The following SENP2 variants were observed in gnomAD, a reference collection of about 807,000 sequenced individuals.
SENP2 encodes sentrin-specific protease 2.
A neutral mutation model predicts 86.3 loss-of-function variants in SENP2; 16 were observed. The ratio of observed to expected loss-of-function variants is 0.19; its 90% CI spans 0.13 to 0.28. The LOEUF is 0.28. Among genes scored for constraint, SENP2 ranks in the 10% least tolerant of loss-of-function variants. The pLI, the probability that SENP2 is intolerant of heterozygous loss-of-function variation, is 1.00. For missense variants in SENP2, 552 were observed against 703.0 expected (o/e 0.79, Z 2.43); for synonymous variants, 222 against 238.7 (o/e 0.93, Z 0.64).
chr3:185,606,696 G>A (rs1418054094), intron 6 of SENP2, 198 bp downstream of exon 6: 10 of 565,414 alleles, frequency 1.8e-5, no homozygotes, highest in Non-Finnish European at 2.5e-5. Flanking sequence ...GGCAGACTTT[G>A]AGGGGTTCAT....
chr3:185,602,832 T>TAAAA (rs1156317272), intron 5 of SENP2, among the ~76,000 whole-genome samples: 4 of 63,048 alleles, frequency 6.3e-5, no homozygotes, highest in African/African-American at 1.4e-4. Flanking sequence ...GACTCTGTCT[T>TAAAA]AAAAAAAAAA....
intron 12 of SENP2, among the ~76,000 whole-genome samples, chr3:185,618,923 G>A (rs1711735085): frequency 6.6e-6 from 1 of 152,130 alleles, no homozygotes; most frequent in African/African-American, 2.4e-5. Context: ...ATATTATTTT[G>A]GTGTATGTCC....
At chr3:185,610,230 A>C (rs1458829262) in intron 7 of SENP2, among the ~76,000 whole-genome samples, 1 of 139,254 alleles carries the variant, frequency 7.2e-6, no homozygotes, top group African/African-American at 2.7e-5. Context: ...ATGCAATCTC[A>C]GCTCACTGCA....
intron 6 of SENP2, chr3:185,609,035 A>G: frequency 2.5e-6 from 1 of 407,442 alleles, no homozygotes; most frequent in Non-Finnish European, 4.4e-6. Flanking sequence ...GCAGTGGCCC[A>G]TCTAAATGGG....
chr3:185,632,239 T>TG lies in SENP2; in HGVS notation c.*2395_*2396insG, dbSNP rs1176229275. The TG allele has an allele frequency of 2.7e-5, 3 of 110,184 alleles. No homozygotes were observed. Among genetic ancestry groups the TG allele is most frequent in the Non-Finnish European group, 3.9e-5 (2 of 51,728 alleles). The allele number at this position is 110,184 out of a possible 1,614,324, so 6.8% of individuals were successfully genotyped here. ...TTTTTTTTTTGTTTTTTTTTTTTGT[T>TG]TTTTTTTTTTTTTTTTGCGACAGAG... On this transcript the variant is annotated 3_prime_UTR_variant, in exon 17 of 17. Transcript: ENST00000296257.
At position 185,600,573 on chromosome 3, in the gene SENP2, A is replaced by G. The variant is rs550700896; in HGVS notation, c.359-192A>G. Among the ~76,000 whole-genome samples the G allele has an allele frequency of 5.5e-4, 84 of 152,324 alleles. 3 individuals carry two copies. In the South Asian group the frequency reaches 0.012, roughly 21 times the overall value. On this transcript the variant is annotated intron_variant, in intron 4 of 16. Transcript: ENST00000296257. ...ATTACCTATCTGAGATCAAAAACAA[A>G]CTAAGCCCTATTGCTTTCCTTTAAC...
At chr3:185,605,243 C>T (rs1199449200) in intron 5 of SENP2, among the ~76,000 whole-genome samples, 4 of 151,486 alleles carry the variant, frequency 2.6e-5, no homozygotes, top group East Asian at 2.0e-4. Context: ...TGGTGGCAGG[C>T]GCCTGTAACC....
chr3:185,591,641 G>A (rs887648676), intron 2 of SENP2, among the ~76,000 whole-genome samples: 3 of 152,126 alleles, frequency 2.0e-5, no homozygotes, highest in South Asian at 2.1e-4. Flanking sequence ...GTGAGCCCCC[G>A]CGCCTGGCCC....
In SENP2 at chr3:185,609,290, A is replaced by C; in HGVS notation, c.662A>C (p.Glu221Ala). Reference protein sequence around the residue: ...EEREKYRKLLERLKESGHGNS... With the variant: ...EEREKYRKLLARLKESGHGNS... ...AGAGAGAAGTACCGAAAGTTATTGG[A>C]ACGACTTAAAGAAAGTGGTCATGGA... is the stretch of plus-strand genomic sequence containing the variant. Residue 221 changes from glutamate (E) to alanine (A), a missense_variant, in exon 7 of 17, where the codon GAA becomes GCA. Physicochemically the swap from Glu to Ala is moderately radical, Grantham distance 107. Coordinates refer to ENST00000296257, the MANE Select transcript of SENP2 (RefSeq NM_021627.3). 1 of 1,613,876 alleles carries C rather than the reference A, an allele frequency of 6.2e-7. No individual in the cohort carries two copies. The highest frequency in any genetic ancestry group is 8.5e-7 in the Non-Finnish European group (1 of 1,179,858).
rs63707460 is a variant in SENP2, at chr3:185,623,826, C to CAAAAAAAA, written c.1527-155_1527-148dup. On this transcript the variant is annotated intron_variant, in intron 14 of 16. Coordinates refer to ENST00000296257, the MANE Select transcript of SENP2 (RefSeq NM_021627.3). ...TGGGCGACAGAGCGAGACTCTGTCT[C>CAAAAAAAA]AAAAAAAAAAAAAAAAAAAAAAAAT... is the stretch of plus-strand genomic sequence containing the variant. 1.6e-3 allele frequency among the ~76,000 whole-genome samples: 77 copies of CAAAAAAAA among 47,766 alleles called. 3 individuals are homozygous for CAAAAAAAA. Among genetic ancestry groups the CAAAAAAAA allele is most frequent in the African/African-American group, 5.5e-3 (70 of 12,814 alleles). The allele number at this position is 47,766 out of a possible 152,430, so 31.3% of individuals were successfully genotyped here. A position where few individuals can be genotyped will look rare whatever the true frequency, so the allele number is the denominator to read the frequency against.
rs1246795268 is a variant in SENP2, at chr3:185,633,092, GA to G, written c.*3251del. ...AGAACCTCTGAATTTTTCCTCCTCT[GA>G]AATCCTAAGCACAACTTCAGAAAAC... is the stretch of plus-strand genomic sequence containing the variant. On this transcript the variant is annotated 3_prime_UTR_variant, in exon 17 of 17. Coordinates refer to ENST00000296257, the MANE Select transcript of SENP2 (RefSeq NM_021627.3). 6.6e-6 allele frequency: 1 copy of G among 152,160 alleles called. No homozygotes were observed. The highest frequency in any genetic ancestry group is 1.5e-5 in the Non-Finnish European group (1 of 68,044). 9.4% of individuals were successfully genotyped at this position (152,160 alleles called of 1,614,324 possible).
At position 185,617,733 on chromosome 3, in the gene SENP2, C is replaced by A. The variant is rs1304435896; in HGVS notation, c.1242+122C>A. On this transcript the variant is annotated intron_variant, in intron 12 of 16. Coordinates refer to ENST00000296257, the MANE Select transcript of SENP2 (RefSeq NM_021627.3). ...ATGCAACTCTTAGTTATAATTAAAA[C>A]AAAAACATTTTAAATCTTAAAAAGA... is the stretch of plus-strand genomic sequence containing the variant. The A allele has an allele frequency of 2.6e-5, 20 of 771,630 alleles. No homozygotes were observed. The South Asian group carries it at 4.3e-4, about 17-fold the overall frequency. 47.8% of individuals were successfully genotyped at this position (771,630 alleles called of 1,614,324 possible). A position where few individuals can be genotyped will look rare whatever the true frequency, so the allele number is the denominator to read the frequency against.
At chr3:185,621,218 A>T (rs2148993879) in intron 13 of SENP2, among the ~76,000 whole-genome samples, 1 of 135,986 alleles carries the variant, frequency 7.4e-6, no homozygotes, top group Non-Finnish European at 1.6e-5. Context: ...AAAGATACAG[A>T]TATAAAGAAA....
At position 185,593,624 on chromosome 3, in the gene SENP2, A is replaced by G. The variant is rs78627355; in HGVS notation, c.157+3455A>G. Among the ~76,000 whole-genome samples, 66 of 152,254 alleles carry G rather than the reference A, an allele frequency of 4.3e-4. 1 individual carries two copies. The East Asian group carries it at 0.012, about 27-fold the overall frequency. On this transcript the variant is annotated intron_variant, in intron 2 of 16. Coordinates refer to ENST00000296257, the MANE Select transcript of SENP2 (RefSeq NM_021627.3). The stretch of plus-strand genomic sequence containing the variant: ...ACATCCTGTTTATTTCACACAGAAA[A>G]TCTTGATTTAATGCTAGTATATCTT...
At chr3:185,588,046 G>A (rs1229600576) in intron 1 of SENP2, among the ~76,000 whole-genome samples, 1 of 115,502 alleles carries the variant, frequency 8.7e-6, no homozygotes, top group South Asian at 3.7e-4. Flanking sequence ...GCCACTACCG[G>A]CTAATTTTTT....
chr3:185,605,262 A>G lies in SENP2; in HGVS notation c.450-1068A>G, dbSNP rs12489330. Among the ~76,000 whole-genome samples, 3 of 151,484 alleles carry G rather than the reference A, an allele frequency of 2.0e-5. No homozygotes were observed. In the South Asian group the frequency reaches 6.3e-4, roughly 32 times the overall value. On this transcript the variant is annotated intron_variant, in intron 5 of 16. Coordinates refer to ENST00000296257, the MANE Select transcript of SENP2 (RefSeq NM_021627.3). ...GGCAGGCGCCTGTAACCCCAGCTAC[A>G]CGGGAGGCTGAGGCAGGAGAATTGC... is the stretch of plus-strand genomic sequence containing the variant.
chr3:185,621,915 G>A lies in SENP2; in HGVS notation c.1526+10G>A. The A allele has an allele frequency of 6.3e-7, 1 of 1,593,554 alleles. No individual in the cohort carries two copies. The highest frequency in any genetic ancestry group is 8.6e-7 in the Non-Finnish European group (1 of 1,162,878). ...TCTGTGAGATTCTCCTGTAAGTAAA[G>A]GTTGAAAACCTCACTACCCCCTGTT... On this transcript the variant is annotated intron_variant, in intron 14 of 16. Coordinates refer to ENST00000296257, the MANE Select transcript of SENP2 (RefSeq NM_021627.3).
chr3:185,625,500 T>A (rs747474003), intron 15 of SENP2, among the ~76,000 whole-genome samples: 1 of 152,080 alleles, frequency 6.6e-6, no homozygotes, highest in Non-Finnish European at 1.5e-5. Flanking sequence ...AGCAATAACT[T>A]GCGCTAATTG....
Position 185,595,355 on chromosome 3 carries a change from A to G in SENP2, c.158-3057A>G, listed in dbSNP as rs1722142069. Among the ~76,000 whole-genome samples, 2 of 152,214 alleles carry G rather than the reference A, an allele frequency of 1.3e-5. 1 individual carries two copies. Among genetic ancestry groups the G allele is most frequent in the South Asian group, 4.1e-4 (2 of 4,832 alleles). ...CCTTAGAAAGTGCAGCAGAGTGTGT[A>G]CTATCCCTCAGCACTATTAGAAGGG... On this transcript the variant is annotated intron_variant, in intron 2 of 16. Coordinates refer to ENST00000296257, the MANE Select transcript of SENP2 (RefSeq NM_021627.3).
Sources: allele counts gnomAD v4.1 joint callset (sites outside exome capture counted in the v4.1 genomes callset), GRCh38; gene constraint gnomAD v4.1.1; transcripts MANE v1.5; gene names NCBI Gene and HGNC (gene_info 2026-07-23, HGNC 2026-07-21).